Variants in C4orf50 observed in about 807,000 individuals in gnomAD.
C4orf50 encodes chromosome 4 open reading frame 50.
Under a neutral mutation model 77.2 loss-of-function variants are expected in C4orf50, and 80 were observed. The observed-to-expected ratio is 1.04, with a 90% CI of 0.87 to 1.25. The LOEUF is 1.25. Among genes scored for constraint, C4orf50 ranks in the 50% most tolerant of loss-of-function variants. The pLI is 0.00. For synonymous variants in C4orf50, 532 were observed against 465.3 expected, an observed-to-expected ratio of 1.14 and a Z score of -1.84; for missense variants, 1,257 against 1,152.9, an observed-to-expected ratio of 1.09 and a Z score of -1.31.
chr4:5,952,402 G>T (rs1577924497), downstream of C4orf50, among the ~76,000 whole-genome samples: 1 of 152,190 alleles, frequency 6.6e-6, no homozygotes, highest in South Asian at 2.1e-4. The surrounding 1 kb of genome is among the most constrained non-coding windows in gnomAD (Gnocchi z 4.4). Context: ...ATCCTGGAAG[G>T]GCTGGCAGTG....
intron 7 of C4orf50, among the ~76,000 whole-genome samples, chr4:5,914,351 C>A (rs1190008886): frequency 6.6e-6 from 1 of 151,732 alleles, no homozygotes; most frequent in Non-Finnish European, 1.5e-5. Context: ...ACTATAGGCG[C>A]CTGCCACCAT....
At chr4:6,004,215 ATG>A (rs1722074640) in intron 25 of C4orf50, among the ~76,000 whole-genome samples, 1 of 103,092 alleles carries the variant, frequency 9.7e-6, no homozygotes, top group African/African-American at 3.6e-5. Flanking sequence ...GATGATGGTG[ATG>A]GTGATGATGT....
At chr4:5,990,719 A>G (rs73069586) in exon 28 of C4orf50, 77,244 of 398,910 alleles carry the variant, frequency 0.19, 8,524 homozygotes, top group African/African-American at 0.3. Flanking sequence ...TCTGAAATCC[A>G]GGCCAGGTCC....
intron 31 of C4orf50, among the ~76,000 whole-genome samples, chr4:5,967,950 C>T (rs887529415): frequency 6.6e-6 from 1 of 152,216 alleles, no homozygotes; most frequent in African/African-American, 2.4e-5. Flanking sequence ...GATCACTCAA[C>T]TGGTTGGCCG....
At chr4:6,004,213 T>A (rs1722074034) in intron 25 of C4orf50, among the ~76,000 whole-genome samples, 1 of 95,880 alleles carries the variant, frequency 1.0e-5, no homozygotes, top group African/African-American at 3.8e-5. Flanking sequence ...GTGATGATGG[T>A]GATGGTGATG....
intron 7 of C4orf50, among the ~76,000 whole-genome samples, chr4:5,907,239 C>A (rs1299925055): frequency 6.6e-6 from 1 of 152,202 alleles, no homozygotes; most frequent in African/African-American, 2.4e-5. Context: ...CATATAGATA[C>A]TGCATTCACC....
At chr4:5,947,891 C>T (rs1718549368) in intron 7 of C4orf50, among the ~76,000 whole-genome samples, 1 of 152,316 alleles carries the variant, frequency 6.6e-6, no homozygotes, top group Admixed American at 6.5e-5. Context: ...CAGCCCAGCC[C>T]CCAGGGTCCC....
rs139997455 is a variant in C4orf50 at position 5,929,335 on chromosome 4, G to A, written c.*2474+27566C>T. Reference sequence around the variant, plus strand: ...TTTTTTTGAAGCCCATATCTGCATCGGTTTGAAGGCGGGAAGTTATGTAAA... The same window carrying A: ...TTTTTTTGAAGCCCATATCTGCATCAGTTTGAAGGCGGGAAGTTATGTAAA... On this transcript the variant is annotated intron_variant, in intron 7 of 7. Coordinates refer to the C4orf50 transcript ENST00000324058. 7.2e-4 allele frequency among the ~76,000 whole-genome samples: 110 copies of A among 152,254 alleles called. No homozygotes were observed. In the East Asian group the frequency reaches 0.019, roughly 26 times the overall value.
At chr4:5,981,565 C>A (rs549913460) in intron 28 of C4orf50, among the ~76,000 whole-genome samples, 17 of 151,974 alleles carry the variant, frequency 1.1e-4, no homozygotes, top group African/African-American at 2.4e-4. Context: ...CCACCACACC[C>A]GGCTAATTTT....
At chr4:5,976,370 G>C (rs577998435) in intron 29 of C4orf50, among the ~76,000 whole-genome samples, 2 of 151,302 alleles carry the variant, frequency 1.3e-5, no homozygotes, top group Admixed American at 6.6e-5. Context: ...GCAGGAGAAC[G>C]GCGTAAACCC....
intron 28 of C4orf50, among the ~76,000 whole-genome samples, chr4:5,987,693 G>A (rs1350744550): frequency 2.6e-5 from 4 of 151,716 alleles, no homozygotes; most frequent in Non-Finnish European, 4.4e-5. Flanking sequence ...AGCGAGATGG[G>A]AGAGAGAAAT....
chr4:5,976,045 G>A (rs1262099338), intron 29 of C4orf50, 90 bp from the exon 8 acceptor site: 2 of 1,020,554 alleles, frequency 2.0e-6, no homozygotes, highest in Admixed American at 1.8e-5. Context: ...AGAACAGCTG[G>A]CAGTTGCCTG....
chr4:5,989,068 A>G, exon 28 of C4orf50: 2 of 1,535,950 alleles, frequency 1.3e-6, no homozygotes, highest in South Asian at 1.2e-5. Context: ...ATATTGATCC[A>G]GTTCTTTCTT....
chr4:5,931,901 A>C (rs556075206), intron 7 of C4orf50, among the ~76,000 whole-genome samples: 1 of 152,242 alleles, frequency 6.6e-6, no homozygotes, highest in South Asian at 2.1e-4. Flanking sequence ...AGCAGAGCAC[A>C]CAGAGAAGGG....
chr4:5,950,586 T>C lies in C4orf50; in HGVS notation c.*2474+6315A>G, dbSNP rs375669063. Among the ~76,000 whole-genome samples, 8 of 152,326 alleles carry C rather than the reference T, an allele frequency of 5.3e-5. No individual in the cohort carries two copies. In the East Asian group the frequency reaches 7.7e-4, roughly 15 times the overall value. Reference sequence around the variant, plus strand: ...TCTCCTGGGCAAGCTACTTCACCTCTCTCCTGCCTTCCTTCTTCAACCAGT... The same window carrying C: ...TCTCCTGGGCAAGCTACTTCACCTCCCTCCTGCCTTCCTTCTTCAACCAGT... On this transcript the variant is annotated intron_variant, in intron 7 of 7. Coordinates refer to the C4orf50 transcript ENST00000324058.
intron 31 of C4orf50, among the ~76,000 whole-genome samples, chr4:5,971,466 T>C (rs1261193358): frequency 6.6e-6 from 1 of 151,974 alleles, no homozygotes; most frequent in African/African-American, 2.4e-5. Flanking sequence ...TCTCTGAATT[T>C]CTGAAACACA....
At chr4:5,989,587 A>C in exon 28 of C4orf50, 1 of 1,536,116 alleles carries the variant, frequency 6.5e-7, no homozygotes, top group South Asian at 1.2e-5. Context: ...GCCCGGCTGC[A>C]GGGTGGACAG....
chr4:5,928,080 C>A (rs1466713508), intron 7 of C4orf50, among the ~76,000 whole-genome samples: 1 of 152,078 alleles, frequency 6.6e-6, no homozygotes, highest in African/African-American at 2.4e-5. Context: ...GTGGAACTTG[C>A]AATATATTAA....
At chr4:5,953,949 G>C (rs1472682632), downstream of C4orf50, among the ~76,000 whole-genome samples, 4 of 152,236 alleles carry the variant, frequency 2.6e-5, no homozygotes, top group African/African-American at 9.6e-5. Context: ...AGTACGGCTG[G>C]ATTTCAGCCC....
Sources: gnomAD v4.1 joint callset for allele counts (sites outside exome capture counted in the v4.1 genomes callset) on GRCh38, gnomAD v4.1.1 for gene constraint, Gnocchi (gnomAD v3.1) non-coding constraint, MANE v1.5 for transcripts, NCBI Gene and HGNC (gene_info 2026-07-23, HGNC 2026-07-21) for gene names.